Variants in ZFAND6 observed in about 807,000 individuals in gnomAD.
ZFAND6 encodes the protein zinc finger AN1-type containing 6, also known as AN1-type zinc finger protein 6.
ZFAND6 carries 12 observed loss-of-function variants against 24.5 expected under a neutral mutation model. The ratio of observed to expected loss-of-function variants is 0.49; its 90% CI spans 0.31 to 0.79. The LOEUF is 0.79. Among genes scored for constraint, ZFAND6 ranks in the 30% least tolerant of loss-of-function variants. The probability of loss-of-function intolerance (pLI) is 0.04; values close to 1 mark genes in which losing one functional copy is unlikely to be tolerated. For missense variants in ZFAND6, 207 were observed against 245.9 expected (o/e 0.84, Z 1.06); for synonymous variants, 92 against 81.5 (o/e 1.13, Z -0.69).
chr15:80,106,313 A>C (rs991799997), intron 2 of ZFAND6, among the ~76,000 whole-genome samples: 10 of 152,342 alleles, frequency 6.6e-5, no homozygotes, highest in African/African-American at 2.4e-4. Context: ...GAATTGGCCA[A>C]CTATGACCCA....
chr15:80,128,299 TA>T (rs2040457094), intron 5 of ZFAND6, among the ~76,000 whole-genome samples: 1 of 152,208 alleles, frequency 6.6e-6, no homozygotes, highest in East Asian at 1.9e-4. Flanking sequence ...TTGTATACTT[TA>T]AAGAGTGAAT....
chr15:80,122,705 T>G lies in ZFAND6; in HGVS notation c.269T>G (p.Val90Gly). The change falls in exon 5 of 7, where the codon GTA (valine) becomes GGA (glycine). Residue 90 changes from valine (V) to glycine (G), a missense_variant. Val to Gly is a moderately radical substitution (Grantham distance 109). Around this residue, in one of 3 missense-constraint regions of ZFAND6, gnomAD observed 133 missense variants for 122.8 expected, o/e 1.08. Coordinates refer to ENST00000261749, the MANE Select transcript of ZFAND6 (RefSeq NM_019006.4). Reference sequence around the variant, plus strand: ...GAAATATTTTGCTTTTCTAGCCCTGTATCAAATCAGTCACTTTTATCAGAA... The same window carrying G: ...GAAATATTTTGCTTTTCTAGCCCTGGATCAAATCAGTCACTTTTATCAGAA... ...STSSSMQPSP[V>G]SNQSLLSESV... 1 of 1,613,120 alleles carries G rather than the reference T, an allele frequency of 6.2e-7. No individual in the cohort carries two copies. The highest frequency in any genetic ancestry group is 8.5e-7 in the Non-Finnish European group (1 of 1,179,422).
chr15:80,077,124 T>C (rs2037330955), intron 1 of ZFAND6, among the ~76,000 whole-genome samples: 1 of 152,196 alleles, frequency 6.6e-6, no homozygotes, highest in Non-Finnish European at 1.5e-5. Context: ...TTAGGCAAAG[T>C]GCAAAAGCAC....
intron 2 of ZFAND6, among the ~76,000 whole-genome samples, chr15:80,109,628 T>G (rs530562720): frequency 1.3e-5 from 2 of 152,162 alleles, no homozygotes; most frequent in Non-Finnish European, 2.9e-5. Flanking sequence ...AGCCTTTAAG[T>G]CAAGGTAAAG....
chr15:80,064,012 C>T (rs557556561), intron 1 of ZFAND6, among the ~76,000 whole-genome samples: 175 of 152,328 alleles, frequency 1.1e-3, no homozygotes, highest in African/African-American at 4.0e-3. Flanking sequence ...TTCAAGTGCT[C>T]GGTAGCCACA....
intron 1 of ZFAND6, among the ~76,000 whole-genome samples, chr15:80,094,281 C>A (rs573757461): frequency 7.9e-5 from 12 of 152,192 alleles, no homozygotes; most frequent in African/African-American, 2.9e-4. Context: ...AGCAGGGGAG[C>A]GCGTGGGAGC....
chr15:80,065,796 C>T (rs982998919), intron 1 of ZFAND6, among the ~76,000 whole-genome samples: 4 of 151,820 alleles, frequency 2.6e-5, no homozygotes, highest in Non-Finnish European at 4.4e-5. Flanking sequence ...CTACCCACCT[C>T]GGCCTCCCAA....
At chr15:80,102,085 C>A (rs1450316056) in intron 2 of ZFAND6, among the ~76,000 whole-genome samples, 1 of 151,932 alleles carries the variant, frequency 6.6e-6, no homozygotes, top group Non-Finnish European at 1.5e-5. Flanking sequence ...CATGAGCCAC[C>A]ACGCCCGGCC....
chr15:80,106,762 T>TA lies in ZFAND6; in HGVS notation c.-18+8186dup, dbSNP rs1007688724. 3.3e-5 allele frequency among the ~76,000 whole-genome samples: 5 copies of TA among 152,290 alleles called. 1 individual carries two copies. The highest frequency in any genetic ancestry group is 1.2e-4 in the African/African-American group (5 of 41,544). ...AACCCTTTTCCCTGAAATGGGAGAC[T>TA]AATTAAGAACTGTGTGCCAAAAACC... On this transcript the variant is annotated intron_variant, in intron 2 of 6. Coordinates refer to ENST00000261749, the MANE Select transcript of ZFAND6 (RefSeq NM_019006.4).
intron 5 of ZFAND6, among the ~76,000 whole-genome samples, chr15:80,127,600 A>C (rs55984142): frequency 7.8e-4 from 63 of 80,346 alleles, no homozygotes; most frequent in Admixed American, 1.4e-3. Context: ...AAAAAAAAAA[A>C]AAAAAAAAAA....
intron 2 of ZFAND6, among the ~76,000 whole-genome samples, chr15:80,108,895 T>G (rs1161935401): frequency 6.6e-6 from 1 of 152,032 alleles, no homozygotes; most frequent in African/African-American, 2.4e-5. Flanking sequence ...GCCTGGCTAA[T>G]TTTTGTATTT....
At chr15:80,075,871 T>C (rs117372189) in intron 1 of ZFAND6, among the ~76,000 whole-genome samples, 192 of 152,298 alleles carry the variant, frequency 1.3e-3, no homozygotes, top group Non-Finnish European at 2.2e-3. Flanking sequence ...CATCTATCCC[T>C]GTTTATACCT....
chr15:80,110,454 G>A (rs2039552567), intron 2 of ZFAND6, among the ~76,000 whole-genome samples: 1 of 152,106 alleles, frequency 6.6e-6, no homozygotes. Context: ...AGTAGTATTA[G>A]CACATCTGTA....
At chr15:80,110,471 A>T (rs1028897121) in intron 2 of ZFAND6, among the ~76,000 whole-genome samples, 1 of 152,162 alleles carries the variant, frequency 6.6e-6, no homozygotes, top group African/African-American at 2.4e-5. Context: ...TGTAGATTCA[A>T]CACAATTCCA....
chr15:80,068,846 G>A (rs1190611126), intron 1 of ZFAND6, among the ~76,000 whole-genome samples: 3 of 152,334 alleles, frequency 2.0e-5, no homozygotes, highest in South Asian at 4.1e-4. Flanking sequence ...GGTCTGACTC[G>A]ACCATAAGTT....
chr15:80,133,210 T>G (rs2040695249), intron 6 of ZFAND6, among the ~76,000 whole-genome samples: 1 of 151,438 alleles, frequency 6.6e-6, no homozygotes, highest in African/African-American at 2.4e-5. Context: ...TTTTTTTTTT[T>G]GAAATGGAGT....
At chr15:80,099,791 A>G (rs2038938538) in intron 2 of ZFAND6, among the ~76,000 whole-genome samples, 4 of 151,934 alleles carry the variant, frequency 2.6e-5, no homozygotes, top group Non-Finnish European at 1.5e-5. Context: ...TAATTTTTGT[A>G]CTTTACAAAG....
intron 5 of ZFAND6, among the ~76,000 whole-genome samples, chr15:80,126,337 A>G (rs1338221531): frequency 6.6e-6 from 1 of 152,240 alleles, no homozygotes; most frequent in African/African-American, 2.4e-5. Flanking sequence ...AGCCAAAGGT[A>G]TCTTGAAAAA....
chr15:80,100,332 A>G (rs2038965045), intron 2 of ZFAND6, among the ~76,000 whole-genome samples: 2 of 152,192 alleles, frequency 1.3e-5, no homozygotes, highest in African/African-American at 2.4e-5. Context: ...ATTCAAGGTG[A>G]GAGAGGCCTT....
Sources: allele counts gnomAD v4.1 joint callset (sites outside exome capture counted in the v4.1 genomes callset), GRCh38; gene constraint gnomAD v4.1.1; regional missense constraint gnomAD v4.1.1; transcripts MANE v1.5; gene names NCBI Gene and HGNC (gene_info 2026-07-23, HGNC 2026-07-21).